Variants in GTF3C1 observed in about 807,000 individuals in gnomAD.
GTF3C1 encodes general transcription factor IIIC subunit 1, also known as general transcription factor 3C polypeptide 1.
In GTF3C1, 57 loss-of-function variants were observed where a neutral mutation model predicts 226.7. The observed-to-expected ratio is 0.25, with a 90% CI of 0.20 to 0.31. The LOEUF is 0.31. GTF3C1 is among the 10% of genes least tolerant of loss of function. The probability of loss-of-function intolerance (pLI) is 1.00; values close to 1 mark genes in which losing one functional copy is unlikely to be tolerated. For missense variants in GTF3C1, 2,217 were observed against 2,776.1 expected, an observed-to-expected ratio of 0.80 and a Z score of 4.53; for synonymous variants, 1,090 against 1,084.8, an observed-to-expected ratio of 1.00 and a Z score of -0.09.
chr16:27,473,731 T>C (rs2087910816), intron 29 of GTF3C1, among the ~76,000 whole-genome samples: 1 of 152,326 alleles, frequency 6.6e-6, no homozygotes, highest in East Asian at 1.9e-4. Flanking sequence ...CGTATCTGAA[T>C]GAAGCCTGTG....
chr16:27,493,296 C>A lies in GTF3C1; in HGVS notation c.2779G>T (p.Val927Leu), dbSNP rs749450229. 6.4e-7 allele frequency: 1 copy of A among 1,551,160 alleles called. No individual in the cohort carries two copies. The highest frequency in any genetic ancestry group is 8.9e-7 in the Non-Finnish European group (1 of 1,122,398). Residue 927 changes from valine (V) to leucine (L), a missense_variant and splice_region_variant, in exon 17 of 37, where the codon GTG becomes TTG. Val to Leu is a conservative substitution (Grantham distance 32). Around this residue, in one of 12 missense-constraint regions of GTF3C1, gnomAD observed 353 missense variants for 411.7 expected, o/e 0.86. Coordinates refer to ENST00000356183, the MANE Select transcript of GTF3C1 (RefSeq NM_001520.4). Reference protein sequence around the residue: ...FIQIVQVSYKVDNLEEFLNDP... With the variant: ...FIQIVQVSYKLDNLEEFLNDP... ...TTCAGAAATTCCTCCAGGTTGTCCA[C>A]CTGAAGAGGTGATGTGCAGGTTCAG...
chr16:27,484,617 C>T (rs1257786110), intron 24 of GTF3C1, among the ~76,000 whole-genome samples: 1 of 152,114 alleles, frequency 6.6e-6, no homozygotes, highest in African/African-American at 2.4e-5. Flanking sequence ...CAAAGGTGCC[C>T]AACGGGGCGG....
chr16:27,480,716 T>G (rs943407541), intron 27 of GTF3C1: 2 of 204,080 alleles, frequency 9.8e-6, no homozygotes, highest in Non-Finnish European at 2.0e-5. Context: ...AAATGCCGAG[T>G]GGTTACAGAC....
At chr16:27,531,514 A>G (rs1376382935) in intron 5 of GTF3C1, among the ~76,000 whole-genome samples, 3 of 152,314 alleles carry the variant, frequency 2.0e-5, no homozygotes, top group African/African-American at 7.2e-5. Flanking sequence ...ATGTGTTCAC[A>G]CGCCTGCCCT....
At chr16:27,538,967 C>CAT (rs199691639) in intron 2 of GTF3C1, among the ~76,000 whole-genome samples, 1 of 132,856 alleles carries the variant, frequency 7.5e-6, no homozygotes, top group Non-Finnish European at 1.6e-5. Flanking sequence ...TATATACACA[C>CAT]ATATACACAC....
chr16:27,517,987 T>C (rs1270242142), intron 6 of GTF3C1, among the ~76,000 whole-genome samples: 1 of 152,140 alleles, frequency 6.6e-6, no homozygotes, highest in Non-Finnish European at 1.5e-5. Context: ...TTTCTCCCAT[T>C]CCCAGTGAAA....
intron 26 of GTF3C1, 99 bp downstream of exon 26, chr16:27,482,945 T>TA: frequency 1.0e-6 from 1 of 987,744 alleles, no homozygotes; most frequent in East Asian, 2.4e-5. Context: ...TCCACGTTCC[T>TA]AAGGCTGGCA....
intron 19 of GTF3C1, among the ~76,000 whole-genome samples, chr16:27,491,481 C>A (rs1474872809): frequency 1.3e-5 from 2 of 152,202 alleles, no homozygotes; most frequent in Non-Finnish European, 2.9e-5. Flanking sequence ...CTATTCTAGG[C>A]ACAAGGAACT....
intron 6 of GTF3C1, among the ~76,000 whole-genome samples, chr16:27,518,729 C>A (rs1049418711): frequency 6.6e-6 from 1 of 152,258 alleles, no homozygotes; most frequent in African/African-American, 2.4e-5. Flanking sequence ...GAGAGGCCGT[C>A]GGGCAGCATA....
Position 27,549,846 on chromosome 16 carries a change from C to T in GTF3C1, c.45G>A (p.Gly15=). The T allele has an allele frequency of 6.2e-7, 1 of 1,613,124 alleles. No individual in the cohort carries two copies. Among genetic ancestry groups the T allele is most frequent in the Non-Finnish European group, 8.5e-7 (1 of 1,179,868 alleles). ...GCGCTGGCAGACACAGGCCATCGAG[C>T]CCCTCCAGAGCGACTTCGTCCAACA... ...ESLLDEVALE[G]LDGLCLPALW... is the part of the protein sequence containing the mutation. Residue 15 remains glycine, a synonymous_variant, in exon 1 of 37, where the codon GGG becomes GGA. Coordinates refer to ENST00000356183, the MANE Select transcript of GTF3C1 (RefSeq NM_001520.4).
intron 2 of GTF3C1, among the ~76,000 whole-genome samples, chr16:27,544,974 CT>C (rs5816438): frequency 0.79 from 102,726 of 130,334 alleles, 39,634 homozygotes; most frequent in East Asian, 0.96. Context: ...TTCTTTTTTC[CT>C]TTTTTTTTTT....
At chr16:27,541,150 C>T (rs1242453101) in intron 2 of GTF3C1, among the ~76,000 whole-genome samples, 3 of 152,178 alleles carry the variant, frequency 2.0e-5, no homozygotes, top group South Asian at 2.1e-4. Context: ...AAAGAGGTGA[C>T]GCTTGTATTA....
chr16:27,522,660 G>A (rs935324880), intron 6 of GTF3C1, among the ~76,000 whole-genome samples: 3 of 152,180 alleles, frequency 2.0e-5, no homozygotes, highest in East Asian at 1.9e-4. Flanking sequence ...ATTCTCACAC[G>A]GACTGTGTGG....
intron 29 of GTF3C1, among the ~76,000 whole-genome samples, chr16:27,474,918 G>GA (rs1483291358): frequency 2.0e-5 from 3 of 152,256 alleles, no homozygotes; most frequent in Admixed American, 1.3e-4. Flanking sequence ...GAGGCACAGA[G>GA]AACCTCCAGG....
At chr16:27,505,317 T>C (rs2088467503) in intron 10 of GTF3C1, among the ~76,000 whole-genome samples, 1 of 152,276 alleles carries the variant, frequency 6.6e-6, no homozygotes, top group Non-Finnish European at 1.5e-5. Context: ...ACAAATGATA[T>C]TGGCCATTTA....
intron 6 of GTF3C1, among the ~76,000 whole-genome samples, chr16:27,512,416 T>C (rs978734444): frequency 6.6e-6 from 1 of 152,232 alleles, no homozygotes; most frequent in African/African-American, 2.4e-5. Flanking sequence ...AAGGGGATTT[T>C]ATAATGATTC....
chr16:27,541,131 G>A (rs2089075480), intron 2 of GTF3C1, among the ~76,000 whole-genome samples: 1 of 152,226 alleles, frequency 6.6e-6, no homozygotes, highest in Non-Finnish European at 1.5e-5. Context: ...GTGAGCCACT[G>A]CACCAGGCAA....
rs928981341 is a variant in GTF3C1, at chr16:27,502,973, G to C, written c.1793C>G (p.Thr598Ser). The stretch of plus-strand genomic sequence containing the variant: ...GTCTTGGCCTGAGCTGTGCCTCCCA[G>C]TCTTCAGGGAACTGCTACTCTCCTA... ...NPKESSSSLK[T>S]GRHSSGQDKP... The change falls in exon 11 of 37, where the codon ACT (threonine) becomes AGT (serine). Residue 598 changes from threonine to serine, a missense_variant. By Grantham distance (58) the Thr-to-Ser change is moderately conservative. Coordinates refer to ENST00000356183, the MANE Select transcript of GTF3C1 (RefSeq NM_001520.4). 2 of 1,612,628 alleles carry C rather than the reference G, an allele frequency of 1.2e-6. No individual in the cohort carries two copies. Among genetic ancestry groups the C allele is most frequent in the Non-Finnish European group, 1.7e-6 (2 of 1,178,742 alleles).
rs531295730 is a variant in GTF3C1 at position 27,508,614 on chromosome 16, G to T, written c.1168C>A (p.Arg390=). 52 of 1,614,140 alleles carry T rather than the reference G, an allele frequency of 3.2e-5. No individual in the cohort carries two copies. In the South Asian group the frequency reaches 5.7e-4, roughly 18 times the overall value. The change falls in exon 8 of 37, where the codon CGA becomes AGA. Residue 390 remains arginine (R), a synonymous_variant. Coordinates refer to ENST00000356183, the MANE Select transcript of GTF3C1 (RefSeq NM_001520.4). ...AGTTTTCCCACATTCATAGCCACTCGGATTTCAGCTTGGGAAATTCCTTTC... is the reference window on the plus strand; with the variant it reads ...AGTTTTCCCACATTCATAGCCACTCTGATTTCAGCTTGGGAAATTCCTTTC... The part of the protein sequence containing the change: ...GTKGISQAEI[R]VAMNVGKLEA...
Sources: allele counts gnomAD v4.1 joint callset (sites outside exome capture counted in the v4.1 genomes callset), GRCh38; gene constraint gnomAD v4.1.1; regional missense constraint gnomAD v4.1.1; transcripts MANE v1.5; gene names NCBI Gene and HGNC (gene_info 2026-07-23, HGNC 2026-07-21).